PCCB: variants seen among roughly 807,000 people sequenced by gnomAD.
PCCB encodes propionyl-CoA carboxylase subunit beta.
A neutral mutation model predicts 60.7 loss-of-function variants in PCCB; 43 were observed. That is an observed-to-expected ratio of 0.71 (90% CI 0.55 to 0.91). The LOEUF is 0.91. Among genes scored for constraint, PCCB ranks in the 40% least tolerant of loss-of-function variants. The pLI is 0.00. For missense variants in PCCB, 766 were observed against 702.8 expected, an observed-to-expected ratio of 1.09 and a Z score of -1.02; for synonymous variants, 276 against 255.9, an observed-to-expected ratio of 1.08 and a Z score of -0.75.
Position 136,327,202 on chromosome 3 carries a change from C to T in PCCB, c.1246C>T (p.Leu416Phe). The change falls in exon 12 of 15, where the codon CTC becomes TTC. Residue 416 changes from leucine to phenylalanine, a missense_variant. Physicochemically the swap from Leu to Phe is conservative, Grantham distance 22. Coordinates refer to ENST00000251654, the MANE Select transcript of PCCB (RefSeq NM_000532.5). ...GGIIRHGAKL[L>F]YAFAEATVPK... is the part of the protein sequence containing the mutation. ...CATCATCCGGCATGGTGCCAAGCTT[C>T]TCTACGCATTTGCTGAGGCAACTGT... 1 of 1,614,186 alleles carries T rather than the reference C, an allele frequency of 6.2e-7. No individual in the cohort carries two copies. Among genetic ancestry groups the T allele is most frequent in the Non-Finnish European group, 8.5e-7 (1 of 1,180,016 alleles).
At chr3:136,284,058 C>A in intron 6 of PCCB, 111 bp downstream of exon 6, 1 of 751,396 alleles carries the variant, frequency 1.3e-6, no homozygotes, top group Non-Finnish European at 2.4e-6. Flanking sequence ...TTCTCATTGG[C>A]TTTCAGCATA....
intron 10 of PCCB, among the ~76,000 whole-genome samples, chr3:136,317,721 G>A (rs190621714): frequency 6.6e-6 from 1 of 152,240 alleles, no homozygotes; most frequent in Admixed American, 6.5e-5. Flanking sequence ...TGGTGATGTC[G>A]TATTCACAGT....
intron 10 of PCCB, among the ~76,000 whole-genome samples, chr3:136,325,386 G>T (rs1935268048): frequency 6.9e-6 from 1 of 144,508 alleles, no homozygotes. Flanking sequence ...TATTTGAGAT[G>T]GAGTCTCACT....
chr3:136,276,588 G>A (rs1291848550), intron 5 of PCCB, among the ~76,000 whole-genome samples: 1 of 152,152 alleles, frequency 6.6e-6, no homozygotes, highest in African/African-American at 2.4e-5. Flanking sequence ...GGCGGGGGTG[G>A]GGGTTGGGGG....
chr3:136,260,663 C>A lies in PCCB; in HGVS notation c.429+128C>A, dbSNP rs183556299. On this transcript the variant is annotated intron_variant, in intron 4 of 14. Transcript: ENST00000251654. ...GGGCAGAGGTATGCAAGATGTGCTA[C>A]CAACCCGAAGGGGTGCATAACAATT... 152 of 797,442 alleles carry A rather than the reference C, an allele frequency of 1.9e-4. No individual in the cohort carries two copies. In the African/African-American group the frequency reaches 2.5e-3, roughly 13 times the overall value. 49.4% of individuals were successfully genotyped at this position (797,442 alleles called of 1,614,324 possible).
Position 136,329,940 on chromosome 3 carries a change from C to T in PCCB, c.1534C>T (p.Arg512Cys), listed in dbSNP as rs186710233. Residue 512 changes from arginine (R) to cysteine (C), a missense_variant, in exon 15 of 15, where the codon CGT becomes TGT. Coordinates refer to ENST00000251654, the MANE Select transcript of PCCB (RefSeq NM_000532.5). ...TGACATCATCCAACCTTCTTCCACA[C>T]GTGCCCGAATCTGCTGTGACCTGGA... ...VDDIIQPSSTRARICCDLDVL... is the reference protein window; with the variant it reads ...VDDIIQPSSTCARICCDLDVL... 22 of 1,614,156 alleles carry T rather than the reference C, an allele frequency of 1.4e-5. No homozygotes were observed. The highest frequency in any genetic ancestry group is 2.2e-5 in the East Asian group (1 of 44,868).
chr3:136,251,391 G>A, intron 1 of PCCB: 2 of 451,018 alleles, frequency 4.4e-6, no homozygotes, highest in South Asian at 3.1e-5. Flanking sequence ...GGAAGGTGCA[G>A]AAGTGAAACT....
intron 5 of PCCB, among the ~76,000 whole-genome samples, chr3:136,276,581 G>T (rs753753819): frequency 6.6e-6 from 1 of 152,254 alleles, no homozygotes; most frequent in East Asian, 1.9e-4. Context: ...GGGCCAGGGC[G>T]GGGGTGGGGG....
intron 1 of PCCB, among the ~76,000 whole-genome samples, chr3:136,253,114 G>C (rs1481884041): frequency 2.9e-5 from 3 of 104,282 alleles, no homozygotes; most frequent in African/African-American, 1.1e-4. Flanking sequence ...TTTTAAGATA[G>C]AGTCTTGCTC....
At chr3:136,251,222 C>G (rs1053737829) in intron 1 of PCCB, 1 of 456,504 alleles carries the variant, frequency 2.2e-6, no homozygotes, top group Non-Finnish European at 4.4e-6. Flanking sequence ...ACACTGCCAC[C>G]CACCGCCTGG....
chr3:136,255,570 G>A, intron 1 of PCCB: 1 of 449,384 alleles, frequency 2.2e-6, no homozygotes. Context: ...GTGTTCCAGG[G>A]TCAGGTTCTC....
rs121964959 is a variant in PCCB at position 136,327,184 on chromosome 3, C to T, written c.1228C>T (p.Arg410Trp). 68 of 1,613,300 alleles carry T rather than the reference C, an allele frequency of 4.2e-5. No homozygotes were observed. The highest frequency in any genetic ancestry group is 6.7e-5 in the East Asian group (3 of 44,898). ...AGCACAGGAATACGGGGGCATCATC[C>T]GGCATGGTGCCAAGCTTCTCTACGC... ...GTAQEYGGII[R>W]HGAKLLYAFA... The change falls in exon 12 of 15, where the codon CGG becomes TGG. Residue 410 changes from arginine (R) to tryptophan (W), a missense_variant. Coordinates refer to ENST00000251654, the MANE Select transcript of PCCB (RefSeq NM_000532.5).
chr3:136,327,469 G>T (rs1420977755), intron 12 of PCCB, among the ~76,000 whole-genome samples, 165 bp from the exon 13 acceptor site: 1 of 152,210 alleles, frequency 6.6e-6, no homozygotes, highest in Non-Finnish European at 1.5e-5. Flanking sequence ...AGCCAGAAAA[G>T]ATAATGAGCA....
rs2108208861 is a variant in PCCB at position 136,301,121 on chromosome 3, A to G, written c.966+10A>G. ...GGACATCATACACTCTGTAAGTGCCACATCTGTTTGTCTTGCCTGTCCTAG... is the reference window on the plus strand; with the variant it reads ...GGACATCATACACTCTGTAAGTGCCGCATCTGTTTGTCTTGCCTGTCCTAG... On this transcript the variant is annotated intron_variant, in intron 9 of 14. Coordinates refer to ENST00000251654, the MANE Select transcript of PCCB (RefSeq NM_000532.5). 1.9e-6 allele frequency: 3 copies of G among 1,605,932 alleles called. No individual in the cohort carries two copies. The highest frequency in any genetic ancestry group is 1.3e-5 in the African/African-American group (1 of 74,880).
chr3:136,285,415 C>T (rs896756937), intron 6 of PCCB, among the ~76,000 whole-genome samples: 1 of 152,264 alleles, frequency 6.6e-6, no homozygotes, highest in Middle Eastern at 3.4e-3. Flanking sequence ...AACTTAATCA[C>T]ACTCAGGTCT....
chr3:136,267,650 A>AT (rs1234463399), intron 5 of PCCB, among the ~76,000 whole-genome samples: 7 of 151,588 alleles, frequency 4.6e-5, no homozygotes, highest in Non-Finnish European at 7.4e-5. Context: ...ACATCTGGCA[A>AT]TTTTTTTTCA....
intron 9 of PCCB, among the ~76,000 whole-genome samples, chr3:136,315,180 T>G (rs1451355007): frequency 6.6e-6 from 1 of 152,242 alleles, no homozygotes. Context: ...ACCAGAATTT[T>G]GTTGCTTGTG....
At chr3:136,286,032 TGAG>T (rs1228730870) in intron 6 of PCCB, among the ~76,000 whole-genome samples, 10 of 152,230 alleles carry the variant, frequency 6.6e-5, no homozygotes, top group Non-Finnish European at 1.3e-4. Context: ...AGTAGTGTAA[TGAG>T]GAGTTAGCCC....
At chr3:136,259,932 A>G (rs1293351209) in intron 3 of PCCB, among the ~76,000 whole-genome samples, 1 of 143,414 alleles carries the variant, frequency 7.0e-6, no homozygotes, top group Non-Finnish European at 1.5e-5. Flanking sequence ...TTTATATTTT[A>G]GTAGAGATGG....
Sources: allele counts gnomAD v4.1 joint callset (sites outside exome capture counted in the v4.1 genomes callset), GRCh38; gene constraint gnomAD v4.1.1; transcripts MANE v1.5; gene names NCBI Gene and HGNC (gene_info 2026-07-23, HGNC 2026-07-21).